Variants in LPAR1 observed in about 807,000 individuals in gnomAD.
LPAR1 encodes the protein lysophosphatidic acid receptor 1, also known as LPA receptor 1.
In LPAR1, 5 loss-of-function variants were observed where a neutral mutation model predicts 23.8. The ratio of observed to expected loss-of-function variants is 0.21; its 90% CI spans 0.11 to 0.44. LPAR1 has a LOEUF of 0.44. Ranked by LOEUF, LPAR1 falls within the 20% of genes least tolerant of loss-of-function variation. LPAR1 has a pLI of 0.99. For missense variants in LPAR1, 311 were observed against 482.8 expected (o/e 0.64, Z 3.33); for synonymous variants, 160 against 164.7 (o/e 0.97, Z 0.22).
intron 5 of LPAR1, among the ~76,000 whole-genome samples, chr9:110,880,876 T>C (rs1048691213): frequency 6.6e-6 from 1 of 152,226 alleles, no homozygotes. Context: ...CGTTGTGATT[T>C]CTGCTATTAA....
chr9:110,942,297 T>A, intron 4 of LPAR1, 129 bp from the exon 5 acceptor site: 2 of 724,320 alleles, frequency 2.8e-6, no homozygotes, highest in Non-Finnish European at 2.3e-6. Flanking sequence ...GAACATTTGA[T>A]CCTGCATACC....
intron 5 of LPAR1, among the ~76,000 whole-genome samples, chr9:110,880,239 G>A (rs1195665610): frequency 1.3e-5 from 2 of 152,120 alleles, no homozygotes; most frequent in African/African-American, 4.8e-5. Context: ...GAACCCCAAT[G>A]CCCACAAAGA....
At chr9:111,020,252 A>G (rs757143058) in intron 2 of LPAR1, among the ~76,000 whole-genome samples, 11 of 152,258 alleles carry the variant, frequency 7.2e-5, no homozygotes, top group Non-Finnish European at 1.0e-4. Flanking sequence ...GAAAGAATAC[A>G]TTTAGTCATG....
intron 4 of LPAR1, among the ~76,000 whole-genome samples, chr9:110,967,188 G>A (rs981984102): frequency 2.0e-5 from 3 of 152,090 alleles, no homozygotes; most frequent in African/African-American, 2.4e-5. Flanking sequence ...GTCCAGTTTC[G>A]TCTTAGTATT....
chr9:111,005,693 A>G (rs2140339087), intron 2 of LPAR1, among the ~76,000 whole-genome samples: 1 of 152,076 alleles, frequency 6.6e-6, no homozygotes, highest in East Asian at 1.9e-4. Context: ...TACCAACAAA[A>G]CTACCTGGAG....
At chr9:110,921,711 G>A (rs534533526) in intron 5 of LPAR1, among the ~76,000 whole-genome samples, 2 of 152,198 alleles carry the variant, frequency 1.3e-5, no homozygotes, top group African/African-American at 2.4e-5. Flanking sequence ...CAGCATACAG[G>A]TGGTCTTGTT....
intron 1 of LPAR1, among the ~76,000 whole-genome samples, chr9:111,036,785 TCAGAC>T (rs1279031900): frequency 6.6e-6 from 1 of 152,112 alleles, no homozygotes; most frequent in Non-Finnish European, 1.5e-5. Flanking sequence ...TATCCTCAAA[TCAGAC>T]AAGTATCAAG....
chr9:110,924,238 CA>C (rs10695949), intron 5 of LPAR1, among the ~76,000 whole-genome samples: 143 of 144,032 alleles, frequency 9.9e-4, no homozygotes, highest in Middle Eastern at 3.6e-3. Context: ...ATTATAATAG[CA>C]AAAAAAAAAA....
chr9:110,915,562 A>G (rs2092994777), intron 5 of LPAR1, among the ~76,000 whole-genome samples: 1 of 152,178 alleles, frequency 6.6e-6, no homozygotes, highest in African/African-American at 2.4e-5. Flanking sequence ...AAGAGAATAT[A>G]CAACAAAAAA....
intron 2 of LPAR1, among the ~76,000 whole-genome samples, chr9:110,984,562 T>C (rs904682754): frequency 9.2e-5 from 14 of 152,210 alleles, no homozygotes; most frequent in African/African-American, 3.4e-4. Flanking sequence ...CTCTTCAATA[T>C]GCTGATTTTC....
upstream of LPAR1, among the ~76,000 whole-genome samples, chr9:111,038,943 T>C (rs953269972): frequency 6.6e-6 from 1 of 152,170 alleles, no homozygotes; most frequent in African/African-American, 2.4e-5. This position sits in a 1 kb window ranked among gnomAD's most constrained non-coding sequence, Gnocchi z 4.4. Context: ...CGCTCTCCTC[T>C]TCCCACTCGA....
intron 5 of LPAR1, among the ~76,000 whole-genome samples, chr9:110,889,916 T>A (rs937116135): frequency 6.6e-6 from 1 of 152,108 alleles, no homozygotes; most frequent in Non-Finnish European, 1.5e-5. Context: ...AAATGAACCA[T>A]GCATTTAACT....
chr9:110,962,797 C>T (rs2096054135), intron 4 of LPAR1, among the ~76,000 whole-genome samples: 1 of 152,090 alleles, frequency 6.6e-6, no homozygotes, highest in African/African-American at 2.4e-5. Context: ...TATGCAATTA[C>T]CAAATGGCAG....
chr9:111,028,567 C>A (rs893820870), intron 2 of LPAR1, among the ~76,000 whole-genome samples: 1 of 149,138 alleles, frequency 6.7e-6, no homozygotes, highest in African/African-American at 2.5e-5. Context: ...TGCAAAAAGG[C>A]ATGCCAATAA....
At chr9:111,021,926 C>T (rs1200662294) in intron 2 of LPAR1, among the ~76,000 whole-genome samples, 6 of 138,190 alleles carry the variant, frequency 4.3e-5, no homozygotes, top group African/African-American at 1.4e-4. Flanking sequence ...ATCCCGCCAC[C>T]GCACTCCAGC....
chr9:110,937,285 C>T (rs1445049516), intron 5 of LPAR1, among the ~76,000 whole-genome samples: 2 of 152,244 alleles, frequency 1.3e-5, no homozygotes, highest in Non-Finnish European at 2.9e-5. Flanking sequence ...GCACACACTG[C>T]TTGCTGTTCA....
At position 110,875,634 on chromosome 9, in the gene LPAR1, T is replaced by C. The variant is rs1239629490; in HGVS notation, c.882A>G (p.Lys294=). ...TGAATTCAGCAAGGAGAAGGAAGAA[T>C]TTCTCATAGGCCAGCACGTCGCACT... The part of the protein sequence containing the change: ...CPQCDVLAYE[K]FFLLLAEFNS... Residue 294 remains lysine (K), a synonymous_variant, in exon 6 of 6, where the codon AAA becomes AAG. Transcript: ENST00000683809. 6.2e-7 allele frequency: 1 copy of C among 1,613,844 alleles called. No individual in the cohort carries two copies. Among genetic ancestry groups the C allele is most frequent in the Non-Finnish European group, 8.5e-7 (1 of 1,179,972 alleles).
intron 4 of LPAR1, among the ~76,000 whole-genome samples, chr9:110,968,231 C>T (rs977976923): frequency 1.3e-5 from 2 of 152,080 alleles, no homozygotes; most frequent in East Asian, 1.9e-4. Flanking sequence ...TAGCACTTGC[C>T]GATTTCTGCA....
At chr9:110,996,270 T>C (rs28630594) in intron 2 of LPAR1, among the ~76,000 whole-genome samples, 3,005 of 152,120 alleles carry the variant, frequency 0.02, 90 homozygotes, top group African/African-American at 0.068. Context: ...AGAAAGGGAA[T>C]TCTGGGCTGG....
Sources: gnomAD v4.1 joint callset for allele counts (sites outside exome capture counted in the v4.1 genomes callset) on GRCh38, gnomAD v4.1.1 for gene constraint, Gnocchi (gnomAD v3.1) non-coding constraint, MANE v1.5 for transcripts, NCBI Gene and HGNC (gene_info 2026-07-23, HGNC 2026-07-21) for gene names.